MYH10: variants seen among roughly 807,000 people sequenced by gnomAD.
MYH10 encodes myosin heavy chain 10, also known as myosin-10.
MYH10 carries 55 observed loss-of-function variants against 257.8 expected under a neutral mutation model. That is an observed-to-expected ratio of 0.21 (90% CI 0.17 to 0.27). MYH10 has a LOEUF of 0.27. MYH10 is among the 10% of genes least tolerant of loss of function. The probability of loss-of-function intolerance (pLI) is 1.00; values close to 1 mark genes in which losing one functional copy is unlikely to be tolerated. For synonymous variants in MYH10, 854 were observed against 921.7 expected, an observed-to-expected ratio of 0.93 and a Z score of 1.33; for missense variants, 1,631 against 2,500.6, an observed-to-expected ratio of 0.65 and a Z score of 7.42.
At position 8,552,011 on chromosome 17, in the gene MYH10, G is replaced by T; in HGVS notation, c.919+35C>A. 1 of 1,177,874 alleles carries T rather than the reference G, an allele frequency of 8.5e-7. No homozygotes were observed. Among genetic ancestry groups the T allele is most frequent in the Non-Finnish European group, 1.2e-6 (1 of 855,810 alleles). 73.0% of individuals were successfully genotyped at this position (1,177,874 alleles called of 1,614,324 possible). On this transcript the variant is annotated intron_variant, in intron 9 of 42. Transcript: ENST00000360416. The surrounding 1 kb of genome is among the most constrained non-coding windows in gnomAD (Gnocchi z 4.8). ...AAAAAAAATTAAAAGAGATATTCCA[G>T]TGAATATAAAATAGTAAAAACCTTT... is the stretch of plus-strand genomic sequence containing the variant.
In MYH10 at chr17:8,548,726, A is replaced by C. The variant is rs781347184; in HGVS notation, c.981T>G (p.Ile327Met). 6.2e-7 allele frequency: 1 copy of C among 1,613,784 alleles called. No homozygotes were observed. The highest frequency in any genetic ancestry group is 1.3e-5 in the African/African-American group (1 of 75,048). ...AATTATCTTTGTCTTGCTGTCCCGG[A>C]ATAGGAATATAGCCATTGGAGAGAA... ...YRFLSNGYIP[I>M]PGQQDKDNFQ... Residue 327 changes from isoleucine (I) to methionine (M), a missense_variant, in exon 10 of 43, where the codon ATT (isoleucine) becomes ATG (methionine). Physicochemically the swap from Ile to Met is conservative, Grantham distance 10 (BLOSUM62 1). Around this residue, in one of 11 missense-constraint regions of MYH10, gnomAD observed 360 missense variants for 581.9 expected, o/e 0.62. Coordinates refer to ENST00000360416, the MANE Select transcript of MYH10 (RefSeq NM_001256012.3).
intron 37 of MYH10, among the ~76,000 whole-genome samples, chr17:8,483,697 TAAATG>T (rs1412378390): frequency 1.3e-5 from 2 of 152,226 alleles, no homozygotes; most frequent in East Asian, 1.9e-4. Context: ...ACAAGAAAGA[TAAATG>T]AAGGAATAAC....
At chr17:8,610,806 C>A (rs1211349568) in intron 2 of MYH10, among the ~76,000 whole-genome samples, 1 of 152,202 alleles carries the variant, frequency 6.6e-6, no homozygotes, top group Non-Finnish European at 1.5e-5. Flanking sequence ...AAATAAACTT[C>A]TCTTGTTTAT....
At position 8,482,342 on chromosome 17, in the gene MYH10, C is replaced by T. The variant is rs181126708; in HGVS notation, c.5176-932G>A. On this transcript the variant is annotated intron_variant, in intron 37 of 42. Transcript: ENST00000360416. ...GGGAGCTCCTCTGTCTGCTCCAGCA[C>T]GTGCACCTGCCTTACATGAGTGTAG... Among the ~76,000 whole-genome samples the T allele has an allele frequency of 2.6e-3, 396 of 152,378 alleles. 1 individual carries two copies. The highest frequency in any genetic ancestry group is 0.02 in the Middle Eastern group (6 of 294).
At chr17:8,549,362 C>T (rs563266243) in intron 9 of MYH10, among the ~76,000 whole-genome samples, 8 of 152,142 alleles carry the variant, frequency 5.3e-5, no homozygotes, top group Admixed American at 2.0e-4. Context: ...TGTGATGTGG[C>T]GCAGCAGACT....
At chr17:8,492,220 C>T (rs906131951) in intron 34 of MYH10, 77 bp downstream of exon 34, 109 of 1,414,040 alleles carry the variant, frequency 7.7e-5, no homozygotes, top group Admixed American at 7.0e-4. Context: ...CCTGAGGAGT[C>T]GCCCGCTCCT....
intron 7 of MYH10, chr17:8,561,158 C>G: frequency 3.1e-6 from 2 of 638,802 alleles, no homozygotes; most frequent in South Asian, 3.7e-5. Context: ...AACTCAGTAA[C>G]AAAAACAAAC....
intron 12 of MYH10, 91 bp downstream of exon 12, chr17:8,546,453 T>C: frequency 1.0e-6 from 1 of 971,102 alleles, no homozygotes; most frequent in Non-Finnish European, 1.6e-6. Context: ...CAGTTTATAT[T>C]GATTCAGTTT....
chr17:8,506,162 CTG>C lies in MYH10; in HGVS notation c.3386+154_3386+155del. The C allele has an allele frequency of 1.6e-6, 1 of 638,500 alleles. No individual in the cohort carries two copies. Among genetic ancestry groups the C allele is most frequent in the Non-Finnish European group, 2.5e-6 (1 of 396,898 alleles). The allele number at this position is 638,500 out of a possible 1,614,324, so 39.6% of individuals were successfully genotyped here. A position where few individuals can be genotyped will look rare whatever the true frequency, so the allele number is the denominator to read the frequency against. ...CTTTCTTGCTGTCCTGACACAAATTCTGTACGCCTGGGCTTTTCACTTTCTCA... is the reference window on the plus strand; with the variant it reads ...CTTTCTTGCTGTCCTGACACAAATTCTACGCCTGGGCTTTTCACTTTCTCA... On this transcript the variant is annotated intron_variant, in intron 27 of 42. Coordinates refer to ENST00000360416, the MANE Select transcript of MYH10 (RefSeq NM_001256012.3). The surrounding 1 kb of genome is among the most constrained non-coding windows in gnomAD (Gnocchi z 5.0).
chr17:8,544,964 G>A (rs114894154), intron 13 of MYH10, among the ~76,000 whole-genome samples: 328 of 152,250 alleles, frequency 2.2e-3, no homozygotes, highest in African/African-American at 7.3e-3. Context: ...CATCTTGCCC[G>A]TGTTCTACTA....
intron 6 of MYH10, among the ~76,000 whole-genome samples, chr17:8,570,047 C>T (rs1165985302): frequency 3.3e-5 from 5 of 152,114 alleles, no homozygotes; most frequent in Admixed American, 6.5e-5. Flanking sequence ...AAAAATGTCA[C>T]GCTGAACAGA....
In MYH10 at chr17:8,535,934, G is replaced by A. The variant is rs1016781636; in HGVS notation, c.1606-3C>T. The A allele has an allele frequency of 1.1e-5, 17 of 1,610,462 alleles. No individual in the cohort carries two copies. Among genetic ancestry groups the A allele is most frequent in the Non-Finnish European group, 1.4e-5 (17 of 1,178,068 alleles). On this transcript the variant is annotated splice_polypyrimidine_tract_variant and splice_region_variant and intron_variant, in intron 14 of 42. Transcript: ENST00000360416. This position sits in a 1 kb window ranked among gnomAD's most constrained non-coding sequence, Gnocchi z 4.3. ...GCCAGTACACCAGGAGGGTTCGCCT[G>A]ATAATGACAGGCAATAAGAATTCAC...
chr17:8,519,257 G>T (rs2081571992), intron 19 of MYH10, among the ~76,000 whole-genome samples: 1 of 152,170 alleles, frequency 6.6e-6, no homozygotes, highest in South Asian at 2.1e-4. Context: ...CCCATAAAAT[G>T]TTCATATCCT....
Position 8,590,873 on chromosome 17 carries a change from C to CTTTTTTTTTTT in MYH10, c.503-1776_503-1766dup, listed in dbSNP as rs398030291. On this transcript the variant is annotated intron_variant, in intron 3 of 42. Transcript: ENST00000360416. ...TCTCCCTCAGGTTTCTCAATGTCGC[C>CTTTTTTTTTTT]TTTTTTTTTTTTTTTTTGAGATGGA... 7.4e-4 allele frequency among the ~76,000 whole-genome samples: 67 copies of CTTTTTTTTTTT among 90,102 alleles called. 10 individuals are homozygous for CTTTTTTTTTTT. The highest frequency in any genetic ancestry group is 1.1e-3 in the Non-Finnish European group (55 of 49,858). 59.1% of individuals were successfully genotyped at this position (90,102 alleles called of 152,430 possible). A position where few individuals can be genotyped will look rare whatever the true frequency, so the allele number is the denominator to read the frequency against.
chr17:8,515,464 C>T (rs1442466977), intron 21 of MYH10, among the ~76,000 whole-genome samples: 1 of 150,180 alleles, frequency 6.7e-6, no homozygotes, highest in African/African-American at 2.4e-5. Context: ...TGCTTCATAA[C>T]TGATTTTATT....
chr17:8,523,998 CA>C (rs1291454013), intron 17 of MYH10, among the ~76,000 whole-genome samples: 1 of 152,018 alleles, frequency 6.6e-6, no homozygotes, highest in Non-Finnish European at 1.5e-5. Context: ...TGTCAAGTGA[CA>C]AGAGGAAAAT....
chr17:8,478,555 A>G (rs1913097502), intron 40 of MYH10, 109 bp from the exon 41 acceptor site: 3 of 922,680 alleles, frequency 3.3e-6, no homozygotes, highest in South Asian at 1.4e-5. Flanking sequence ...TGGTGGAGGC[A>G]TTATGGACCT....
At chr17:8,586,939 T>C (rs1037127015) in intron 4 of MYH10, among the ~76,000 whole-genome samples, 9 of 152,204 alleles carry the variant, frequency 5.9e-5, no homozygotes, top group African/African-American at 2.2e-4. Context: ...CATGCCTCAC[T>C]TTATGATGTT....
At chr17:8,610,609 G>C (rs2085001420) in intron 2 of MYH10, among the ~76,000 whole-genome samples, 2 of 152,054 alleles carry the variant, frequency 1.3e-5, no homozygotes, top group South Asian at 4.1e-4. Context: ...GATAATGAGG[G>C]CTCCACCTTC....
Sources: allele counts gnomAD v4.1 joint callset (sites outside exome capture counted in the v4.1 genomes callset), GRCh38; gene constraint gnomAD v4.1.1; regional missense constraint gnomAD v4.1.1; non-coding constraint Gnocchi (gnomAD v3.1); transcripts MANE v1.5; gene names NCBI Gene and HGNC (gene_info 2026-07-23, HGNC 2026-07-21).